COL8A1: variants seen among roughly 807,000 people sequenced by gnomAD.
COL8A1 encodes collagen type VIII alpha 1 chain.
In COL8A1, 21 loss-of-function variants were observed where a neutral mutation model predicts 42.7. The ratio of observed to expected loss-of-function variants is 0.49; its 90% CI spans 0.35 to 0.71. The LOEUF is 0.71. COL8A1 is among the 30% of genes least tolerant of loss of function. COL8A1 has a pLI of 0.01. For missense variants in COL8A1, 788 were observed against 962.4 expected (o/e 0.82, Z 2.40); for synonymous variants, 367 against 369.1 (o/e 0.99, Z 0.06).
At chr3:99,760,133 C>G (rs1027480633) in intron 2 of COL8A1, among the ~76,000 whole-genome samples, 3 of 151,354 alleles carry the variant, frequency 2.0e-5, no homozygotes, top group African/African-American at 7.3e-5. Flanking sequence ...CAACTAGAGA[C>G]TCAAAAAAAA....
At chr3:99,653,936 A>T (rs1238776184) in intron 1 of COL8A1, among the ~76,000 whole-genome samples, 2 of 152,104 alleles carry the variant, frequency 1.3e-5, no homozygotes, top group Non-Finnish European at 2.9e-5. Context: ...CACAAGGTGA[A>T]GTCCCCCAAT....
chr3:99,690,511 A>G (rs866288771), intron 1 of COL8A1, among the ~76,000 whole-genome samples: 1 of 152,184 alleles, frequency 6.6e-6, no homozygotes, highest in Non-Finnish European at 1.5e-5. Flanking sequence ...CCCTAGAGGT[A>G]CAGGCTCTCT....
At chr3:99,673,255 T>C (rs1344083102) in intron 1 of COL8A1, among the ~76,000 whole-genome samples, 1 of 152,074 alleles carries the variant, frequency 6.6e-6, no homozygotes, top group African/African-American at 2.4e-5. Context: ...CTACATGTGA[T>C]TACTGAATGG....
intron 2 of COL8A1, among the ~76,000 whole-genome samples, chr3:99,752,903 A>G (rs1299732566): frequency 6.6e-5 from 10 of 152,092 alleles, no homozygotes; most frequent in Admixed American, 1.3e-4. Context: ...AGATGGGTAT[A>G]TGAGGAAAGC....
intron 3 of COL8A1, among the ~76,000 whole-genome samples, chr3:99,792,096 C>T (rs1279409049): frequency 6.6e-6 from 1 of 152,192 alleles, no homozygotes; most frequent in East Asian, 1.9e-4. Flanking sequence ...ACAGTAACTA[C>T]ACAATTCGCT....
intron 1 of COL8A1, among the ~76,000 whole-genome samples, chr3:99,682,082 A>G (rs1229205703): frequency 6.6e-6 from 1 of 152,174 alleles, no homozygotes; most frequent in Non-Finnish European, 1.5e-5. Flanking sequence ...GGCCTTTTAT[A>G]CAAATCCGAA....
At chr3:99,655,200 C>T (rs1335795061) in intron 1 of COL8A1, among the ~76,000 whole-genome samples, 1 of 152,162 alleles carries the variant, frequency 6.6e-6, no homozygotes, top group Non-Finnish European at 1.5e-5. Flanking sequence ...CCTCTCACAT[C>T]ATACCCATCT....
chr3:99,741,762 G>A (rs1940906240), intron 1 of COL8A1, among the ~76,000 whole-genome samples: 2 of 152,170 alleles, frequency 1.3e-5, no homozygotes, highest in African/African-American at 2.4e-5. Context: ...AGCAAAAAAG[G>A]TCAGCCTCAC....
At chr3:99,701,112 TGA>T (rs1169193936) in intron 1 of COL8A1, among the ~76,000 whole-genome samples, 5 of 152,208 alleles carry the variant, frequency 3.3e-5, no homozygotes, top group Admixed American at 6.5e-5. Context: ...CACAGCTCAC[TGA>T]GAGAGCATCT....
rs376311287 is a variant in COL8A1, at chr3:99,682,143, G to A, written c.-129+43479G>A. ...ATAACTAGAAGTGCCGGCCGGGTTCGGTGGGTCATGCCTGTAATCCCAGCA... is the reference window on the plus strand; with the variant it reads ...ATAACTAGAAGTGCCGGCCGGGTTCAGTGGGTCATGCCTGTAATCCCAGCA... On this transcript the variant is annotated intron_variant, in intron 1 of 3. Coordinates refer to ENST00000652472, the MANE Select transcript of COL8A1 (RefSeq NM_020351.4). Among the ~76,000 whole-genome samples, 11 of 152,232 alleles carry A rather than the reference G, an allele frequency of 7.2e-5. No homozygotes were observed. In the East Asian group the frequency reaches 1.5e-3, roughly 21 times the overall value.
chr3:99,654,623 A>G (rs1184617594), intron 1 of COL8A1, among the ~76,000 whole-genome samples: 2 of 152,088 alleles, frequency 1.3e-5, no homozygotes. Flanking sequence ...CTCCATCTCT[A>G]CAAAATGTAC....
At chr3:99,718,195 G>C (rs1401057567) in intron 1 of COL8A1, among the ~76,000 whole-genome samples, 1 of 151,986 alleles carries the variant, frequency 6.6e-6, no homozygotes, top group East Asian at 1.9e-4. Context: ...GTAGTCCACT[G>C]TGTATGATGT....
chr3:99,776,562 A>T (rs1941696489), intron 2 of COL8A1, among the ~76,000 whole-genome samples: 1 of 152,208 alleles, frequency 6.6e-6, no homozygotes, highest in Admixed American at 6.5e-5. Flanking sequence ...AGCAAAAAAA[A>T]TTAGGAATAA....
At position 99,729,746 on chromosome 3, in the gene COL8A1, G is replaced by A. The variant is rs1429193568; in HGVS notation, c.-128-15151G>A. Reference sequence around the variant, plus strand: ...AGTTCCTTCAGATGGGTAAAGAAAGGGAAATTATCTCTCCCCACCCCTTCC... The same window carrying A: ...AGTTCCTTCAGATGGGTAAAGAAAGAGAAATTATCTCTCCCCACCCCTTCC... On this transcript the variant is annotated intron_variant, in intron 1 of 3. Coordinates refer to ENST00000652472, the MANE Select transcript of COL8A1 (RefSeq NM_020351.4). 2.6e-5 allele frequency among the ~76,000 whole-genome samples: 4 copies of A among 151,938 alleles called. No individual in the cohort carries two copies. The East Asian group carries it at 7.7e-4, about 29-fold the overall frequency.
At chr3:99,690,733 A>G (rs982079239) in intron 1 of COL8A1, among the ~76,000 whole-genome samples, 1 of 152,216 alleles carries the variant, frequency 6.6e-6, no homozygotes, top group Non-Finnish European at 1.5e-5. Flanking sequence ...CTAGTCATCT[A>G]AAAACAATCT....
At chr3:99,696,962 G>A (rs1939387895) in intron 1 of COL8A1, among the ~76,000 whole-genome samples, 1 of 148,420 alleles carries the variant, frequency 6.7e-6, no homozygotes, top group Non-Finnish European at 1.5e-5. Context: ...AATCCCCACC[G>A]GAAATATACA....
At chr3:99,745,181 C>T (rs899385342) in intron 2 of COL8A1, among the ~76,000 whole-genome samples, 160 bp downstream of exon 2, 1 of 152,114 alleles carries the variant, frequency 6.6e-6, no homozygotes, top group Non-Finnish European at 1.5e-5. Flanking sequence ...GTTGCAAAAG[C>T]CTTGAGAACA....
rs767749604 is a variant in COL8A1, at chr3:99,794,346, C to G, written c.445C>G (p.Pro149Ala). Residue 149 changes from proline to alanine, a missense_variant, in exon 4 of 4, where the codon CCA becomes GCA. This residue lies in a region of COL8A1 where 421 missense variants were observed against 553.1 expected (regional missense o/e 0.76). Transcript: ENST00000652472. The surrounding 1 kb of genome is among the most constrained non-coding windows in gnomAD (Gnocchi z 4.3). ...GHGIPGIKGK[P>A]GPQGYPGVGK... ...TGGGATACCTGGAATTAAAGGAAAA[C>G]CAGGGCCACAGGGATATCCAGGAGT... 6.2e-7 allele frequency: 1 copy of G among 1,613,906 alleles called. No individual in the cohort carries two copies. Among genetic ancestry groups the G allele is most frequent in the African/African-American group, 1.3e-5 (1 of 75,012 alleles).
Position 99,795,585 on chromosome 3 carries a change from C to T in COL8A1, c.1684C>T (p.Pro562Ser), listed in dbSNP as rs757374663. 9.9e-6 allele frequency: 16 copies of T among 1,611,060 alleles called. No individual in the cohort carries two copies. The highest frequency in any genetic ancestry group is 1.4e-5 in the Non-Finnish European group (16 of 1,178,230). Residue 562 changes from proline to serine, a missense_variant, in exon 4 of 4, where the codon CCA (proline) becomes TCA (serine). Pro to Ser is a moderately conservative substitution (Grantham distance 74). Coordinates refer to ENST00000652472, the MANE Select transcript of COL8A1 (RefSeq NM_020351.4). ...AGGCCAGCCTGGCCTTCCAGGACCC[C>T]CAGGCCCTCCAGGACCTCCAGGACC... ...PQGQPGLPGPPGPPGPPGPPA... is the reference protein window; with the variant it reads ...PQGQPGLPGPSGPPGPPGPPA...
Sources: gnomAD v4.1 joint callset for allele counts (sites outside exome capture counted in the v4.1 genomes callset) on GRCh38, gnomAD v4.1.1 for gene constraint, gnomAD v4.1.1 regional missense constraint, Gnocchi (gnomAD v3.1) non-coding constraint, MANE v1.5 for transcripts, NCBI Gene and HGNC (gene_info 2026-07-23, HGNC 2026-07-21) for gene names.